MYO5B: variants seen among roughly 807,000 people sequenced by gnomAD.
MYO5B encodes unconventional myosin-Vb.
MYO5B carries 143 observed loss-of-function variants against 229.3 expected under a neutral mutation model. That is an observed-to-expected ratio of 0.62 (90% CI 0.54 to 0.72). The LOEUF is 0.72. MYO5B is among the 30% of genes least tolerant of loss of function. MYO5B has a pLI of 0.00. For missense variants in MYO5B, 2,321 were observed against 2,331.0 expected, an observed-to-expected ratio of 1.00 and a Z score of 0.09; for synonymous variants, 918 against 885.2, an observed-to-expected ratio of 1.04 and a Z score of -0.66.
chr18:49,961,996 A>G (rs1446960516), intron 12 of MYO5B, among the ~76,000 whole-genome samples: 3 of 152,190 alleles, frequency 2.0e-5, no homozygotes, highest in African/African-American at 7.2e-5. Context: ...ATCAAGTCCA[A>G]ACCACCATAT....
intron 12 of MYO5B, 112 bp downstream of exon 12, chr18:49,962,154 C>A: frequency 7.0e-7 from 1 of 1,420,258 alleles, no homozygotes; most frequent in Non-Finnish European, 9.9e-7. Flanking sequence ...CTTCTTCCAG[C>A]ACACTGAAGG....
At chr18:49,888,697 G>T (rs921137377) in intron 22 of MYO5B, among the ~76,000 whole-genome samples, 1 of 152,146 alleles carries the variant, frequency 6.6e-6, no homozygotes, top group African/African-American at 2.4e-5. Flanking sequence ...ACCTGGGTGG[G>T]CCCAGCTCCT....
At chr18:50,155,191 G>A (rs569246135) in intron 1 of MYO5B, among the ~76,000 whole-genome samples, 1 of 152,172 alleles carries the variant, frequency 6.6e-6, no homozygotes, top group Non-Finnish European at 1.5e-5. Context: ...AGGCAGCTAC[G>A]TGGCACAAAC....
At chr18:49,842,898 C>T (rs879940991) in intron 34 of MYO5B, among the ~76,000 whole-genome samples, 2 of 152,186 alleles carry the variant, frequency 1.3e-5, no homozygotes, top group Non-Finnish European at 2.9e-5. Flanking sequence ...CAGGGTGAGG[C>T]CCACACACCC....
intron 39 of MYO5B, among the ~76,000 whole-genome samples, chr18:49,834,410 A>G (rs2023960840): frequency 6.6e-6 from 1 of 152,174 alleles, no homozygotes; most frequent in South Asian, 2.1e-4. Context: ...CCCCACAGGT[A>G]ATCATGGGAG....
intron 22 of MYO5B, among the ~76,000 whole-genome samples, chr18:49,893,020 A>T (rs972577602): frequency 6.6e-6 from 1 of 152,160 alleles, no homozygotes; most frequent in Non-Finnish European, 1.5e-5. Context: ...TAAGGAGAGG[A>T]GGAGGGAGTC....
intron 14 of MYO5B, among the ~76,000 whole-genome samples, chr18:49,949,028 A>G (rs2025404449): frequency 6.6e-6 from 1 of 152,198 alleles, no homozygotes; most frequent in Non-Finnish European, 1.5e-5. Flanking sequence ...AACTCAGGGT[A>G]AGTAGCTTTG....
intron 17 of MYO5B, among the ~76,000 whole-genome samples, chr18:49,914,773 C>A (rs1210340242): frequency 2.1e-5 from 2 of 93,888 alleles, no homozygotes; most frequent in African/African-American, 7.6e-5. Context: ...GAGACCTTGT[C>A]TCAAAAAAAA....
chr18:49,974,010 A>G (rs529622718), intron 10 of MYO5B, among the ~76,000 whole-genome samples: 1 of 152,366 alleles, frequency 6.6e-6, no homozygotes, highest in African/African-American at 2.4e-5. Flanking sequence ...TTCTCACAGT[A>G]ACTTGCAAAA....
intron 4 of MYO5B, among the ~76,000 whole-genome samples, chr18:50,009,622 G>A (rs183361679): frequency 8.3e-4 from 126 of 152,328 alleles, no homozygotes; most frequent in African/African-American, 3.0e-3. Context: ...TAAGATAGCA[G>A]TCAAGTCAGG....
At chr18:50,190,620 G>A (rs867602175) in intron 1 of MYO5B, among the ~76,000 whole-genome samples, 6 of 10,580 alleles carry the variant, frequency 5.7e-4, no homozygotes, top group Admixed American at 1.7e-3. Context: ...TTTGGCCCCC[G>A]ACCTACCAAA....
intron 25 of MYO5B, among the ~76,000 whole-genome samples, 172 bp downstream of exon 25, chr18:49,877,591 A>G (rs1449045590): frequency 6.6e-6 from 1 of 152,218 alleles, no homozygotes; most frequent in African/African-American, 2.4e-5. Context: ...TTAACTCCAG[A>G]GAACTGTCTC....
intron 5 of MYO5B, among the ~76,000 whole-genome samples, chr18:49,997,195 G>A (rs2025996968): frequency 6.7e-6 from 1 of 148,518 alleles, no homozygotes; most frequent in Non-Finnish European, 1.5e-5. Flanking sequence ...TGGAGCCCAG[G>A]AGGAAGAGAC....
At chr18:49,918,514 G>A (rs967045640) in intron 17 of MYO5B, among the ~76,000 whole-genome samples, 2 of 152,190 alleles carry the variant, frequency 1.3e-5, no homozygotes, top group Non-Finnish European at 2.9e-5. Context: ...ATCCTTTCAG[G>A]TACTCCATTA....
intron 1 of MYO5B, among the ~76,000 whole-genome samples, chr18:50,105,028 G>C (rs1303126331): frequency 6.7e-6 from 1 of 150,318 alleles, no homozygotes; most frequent in Non-Finnish European, 1.5e-5. Flanking sequence ...AGGACATCTA[G>C]GAGCAGGAAG....
At chr18:50,119,748 C>A (rs1368048273) in intron 1 of MYO5B, among the ~76,000 whole-genome samples, 1 of 152,172 alleles carries the variant, frequency 6.6e-6, no homozygotes, top group Non-Finnish European at 1.5e-5. Flanking sequence ...TATCACTGAA[C>A]TACACTCCAG....
intron 1 of MYO5B, among the ~76,000 whole-genome samples, chr18:50,146,808 C>T (rs1477848657): frequency 2.0e-5 from 3 of 152,152 alleles, no homozygotes; most frequent in African/African-American, 2.4e-5. Context: ...AAAAAACTTA[C>T]GTATTTAGCG....
chr18:50,116,479 C>T (rs1477456743), intron 1 of MYO5B, among the ~76,000 whole-genome samples: 1 of 152,086 alleles, frequency 6.6e-6, no homozygotes, highest in South Asian at 2.1e-4. Flanking sequence ...CCTACCCAAA[C>T]TGGAATCATT....
intron 10 of MYO5B, among the ~76,000 whole-genome samples, chr18:49,973,655 C>A (rs1251555751): frequency 6.6e-6 from 1 of 152,198 alleles, no homozygotes; most frequent in Admixed American, 6.5e-5. Context: ...TGGCTCAAAA[C>A]CTCATTTGAA....
Sources: gnomAD v4.1 joint callset for allele counts (sites outside exome capture counted in the v4.1 genomes callset) on GRCh38, gnomAD v4.1.1 for gene constraint, MANE v1.5 for transcripts, NCBI Gene and HGNC (gene_info 2026-07-23, HGNC 2026-07-21) for gene names.